The following TIAM2 variants were observed in gnomAD, a reference collection of about 807,000 sequenced individuals.
TIAM2 encodes the protein rho guanine nucleotide exchange factor TIAM2.
TIAM2 carries 80 observed loss-of-function variants against 152.9 expected under a neutral mutation model. That is an observed-to-expected ratio of 0.52 (90% CI 0.44 to 0.63). TIAM2 has a LOEUF of 0.63. Among genes scored for constraint, TIAM2 ranks in the 30% least tolerant of loss-of-function variants. The probability of loss-of-function intolerance (pLI) is 0.00; values close to 1 mark genes in which losing one functional copy is unlikely to be tolerated. For missense variants in TIAM2, 1,965 were observed against 2,120.1 expected (o/e 0.93, Z 1.44); for synonymous variants, 804 against 838.0 (o/e 0.96, Z 0.70).
At chr6:155,104,040 A>ACCCCCCCC (rs774902405) in intron 2 of TIAM2, among the ~76,000 whole-genome samples, 2 of 57,720 alleles carry the variant, frequency 3.5e-5, no homozygotes, top group African/African-American at 7.7e-5. Context: ...ACACACACAC[A>ACCCCCCCC]CCCCCCCCCC....
chr6:155,016,678 T>C (rs1778593851), intron 1 of TIAM2, among the ~76,000 whole-genome samples: 1 of 149,602 alleles, frequency 6.7e-6, no homozygotes, highest in South Asian at 2.1e-4. Flanking sequence ...GCGGGTGGAT[T>C]GCTTGAGGTC....
In TIAM2 at chr6:155,062,379, G is replaced by A. The variant is rs115955527; in HGVS notation, c.-208-27910G>A. Among the ~76,000 whole-genome samples, 619 of 152,074 alleles carry A rather than the reference G, an allele frequency of 4.1e-3. 2 individuals carry two copies. Among genetic ancestry groups the A allele is most frequent in the African/African-American group, 0.014 (579 of 41,496 alleles). ...TAGGAGTAGAATTGTTAGGTTGTAT[G>A]GTAGGAGTATGTTTTAGCTTTATAA... On this transcript the variant is annotated intron_variant, in intron 1 of 26. Transcript: ENST00000682666.
At chr6:155,151,040 T>G (rs1351262555) in intron 7 of TIAM2, among the ~76,000 whole-genome samples, 1 of 152,192 alleles carries the variant, frequency 6.6e-6, no homozygotes. Flanking sequence ...CTTACATGAA[T>G]AGGCACAGGA....
At chr6:155,200,708 TC>T (rs1781455267) in intron 14 of TIAM2, among the ~76,000 whole-genome samples, 1 of 152,036 alleles carries the variant, frequency 6.6e-6, no homozygotes, top group Non-Finnish European at 1.5e-5. Flanking sequence ...ATCGAGACCA[TC>T]CTGGCCAATG....
intron 2 of TIAM2, among the ~76,000 whole-genome samples, chr6:155,121,746 C>T (rs1779156086): frequency 6.6e-6 from 1 of 152,150 alleles, no homozygotes; most frequent in Non-Finnish European, 1.5e-5. Flanking sequence ...CGACGTGAAG[C>T]CTGTTGGTAT....
intron 1 of TIAM2, among the ~76,000 whole-genome samples, chr6:155,059,728 A>G (rs1057078169): frequency 7.2e-5 from 11 of 152,224 alleles, no homozygotes; most frequent in African/African-American, 2.7e-4. Context: ...CATGATATTA[A>G]CACGACTTAC....
rs947959281 is a variant in TIAM2 at position 155,187,318 on chromosome 6, A to G, written c.3064+3818A>G. 1.3e-5 allele frequency among the ~76,000 whole-genome samples: 2 copies of G among 152,160 alleles called. 1 individual carries two copies. Among genetic ancestry groups the G allele is most frequent in the Non-Finnish European group, 2.9e-5 (2 of 68,022 alleles). On this transcript the variant is annotated intron_variant, in intron 14 of 26. Transcript: ENST00000682666. ...TTTTACTGAAAGAAGTGTTAGTCAC[A>G]GTGGCAGGTCCCAGGAAGCTAGGGG...
chr6:155,130,940 A>G (rs1417265549), intron 4 of TIAM2, among the ~76,000 whole-genome samples: 1 of 146,224 alleles, frequency 6.8e-6, no homozygotes, highest in Non-Finnish European at 1.5e-5. Context: ...TCAGTTAAAT[A>G]TCATCCACTG....
In TIAM2 at chr6:155,130,017, G is replaced by T; in HGVS notation, c.794G>T (p.Gly265Val). The change falls in exon 4 of 27, where the codon GGC becomes GTC. Residue 265 changes from glycine (G) to valine (V), a missense_variant. Coordinates refer to ENST00000682666, the MANE Select transcript of TIAM2 (RefSeq NM_012454.4). Reference sequence around the variant, plus strand: ...GCTGGAGAGCTGAGCGAGGCTGAGGGCTCCTTCCTGGCCCCCGGCATGCCT... The same window carrying T: ...GCTGGAGAGCTGAGCGAGGCTGAGGTCTCCTTCCTGGCCCCCGGCATGCCT... ...GNAGELSEAEGSFLAPGMPDP... is the reference protein window; with the variant it reads ...GNAGELSEAEVSFLAPGMPDP... 6.2e-7 allele frequency: 1 copy of T among 1,614,098 alleles called. No homozygotes were observed. The highest frequency in any genetic ancestry group is 1.6e-4 in the Middle Eastern group (1 of 6,062).
At chr6:155,142,951 G>C (rs1779744084) in intron 5 of TIAM2, among the ~76,000 whole-genome samples, 1 of 152,202 alleles carries the variant, frequency 6.6e-6, no homozygotes. Flanking sequence ...TTTAAAGGAA[G>C]TAATGAAATT....
chr6:155,111,909 G>A (rs778165850), intron 2 of TIAM2, among the ~76,000 whole-genome samples: 5 of 152,030 alleles, frequency 3.3e-5, no homozygotes, highest in Non-Finnish European at 5.9e-5. Flanking sequence ...CAGTTTCACT[G>A]ACCTTATCCT....
rs1005949833 is a variant in TIAM2, at chr6:155,164,411, T to C, written c.2029-4T>C. Reference sequence around the variant, plus strand: ...ATTTAAATCACCTCTGTTTTTGCTTTAAGATCCAGCAATGGGAGCAGAATC... The same window carrying C: ...ATTTAAATCACCTCTGTTTTTGCTTCAAGATCCAGCAATGGGAGCAGAATC... On this transcript the variant is annotated splice_polypyrimidine_tract_variant and splice_region_variant and intron_variant, in intron 7 of 26. Transcript: ENST00000682666. The C allele has an allele frequency of 1.3e-6, 2 of 1,570,992 alleles. No homozygotes were observed. The highest frequency in any genetic ancestry group is 1.7e-6 in the Non-Finnish European group (2 of 1,150,770).
At chr6:155,104,426 A>G (rs1242873429) in intron 2 of TIAM2, among the ~76,000 whole-genome samples, 1 of 152,048 alleles carries the variant, frequency 6.6e-6, no homozygotes, top group African/African-American at 2.4e-5. Flanking sequence ...TATTACACTG[A>G]TGGTCTTCAA....
intron 2 of TIAM2, among the ~76,000 whole-genome samples, chr6:155,120,283 C>G (rs1165594645): frequency 1.3e-5 from 2 of 152,216 alleles, no homozygotes; most frequent in African/African-American, 4.8e-5. Flanking sequence ...CCGCTGAATT[C>G]AAAGACGACC....
At chr6:155,028,023 T>C (rs184518535) in intron 1 of TIAM2, among the ~76,000 whole-genome samples, 14 of 127,480 alleles carry the variant, frequency 1.1e-4, no homozygotes, top group African/African-American at 3.8e-4. Flanking sequence ...TACTGTGTTA[T>C]ATACTATATA....
At position 155,248,161 on chromosome 6, in the gene TIAM2, G is replaced by C. The variant is rs370206661; in HGVS notation, c.3814G>C (p.Glu1272Gln). The change falls in exon 20 of 27, where the codon GAG becomes CAG. Residue 1272 changes from glutamate to glutamine, a missense_variant. By Grantham distance (29) the Glu-to-Gln change is conservative. Coordinates refer to ENST00000682666, the MANE Select transcript of TIAM2 (RefSeq NM_012454.4). ...GTCCCTGACGGACCAGGAGAGCGAG[G>C]AGCACTACCACCTGACGGGTGAGGC... ...LVSLTDQESEEHYHLTEALKA... is the reference protein window; with the variant it reads ...LVSLTDQESEQHYHLTEALKA... 6.2e-7 allele frequency: 1 copy of C among 1,613,868 alleles called. No individual in the cohort carries two copies. Among genetic ancestry groups the C allele is most frequent in the South Asian group, 1.1e-5 (1 of 91,080 alleles).
At chr6:155,157,149 G>A (rs1215520745) in intron 7 of TIAM2, among the ~76,000 whole-genome samples, 2 of 152,198 alleles carry the variant, frequency 1.3e-5, no homozygotes, top group Non-Finnish European at 2.9e-5. Context: ...AAGCACCTCT[G>A]TCTCGTCTGT....
intron 1 of TIAM2, among the ~76,000 whole-genome samples, chr6:155,082,987 C>A (rs191143282): frequency 6.6e-4 from 101 of 152,264 alleles, no homozygotes; most frequent in Non-Finnish European, 1.2e-3. Context: ...TCTTCTCTCG[C>A]CTCATCTCTC....
intron 14 of TIAM2, among the ~76,000 whole-genome samples, chr6:155,203,927 C>G (rs112370910): frequency 6.6e-6 from 1 of 152,054 alleles, no homozygotes; most frequent in African/African-American, 2.4e-5. Flanking sequence ...GTCCTGGCCA[C>G]GGGGAGGGGC....
Sources: allele counts gnomAD v4.1 joint callset (sites outside exome capture counted in the v4.1 genomes callset), GRCh38; gene constraint gnomAD v4.1.1; transcripts MANE v1.5; gene names NCBI Gene and HGNC (gene_info 2026-07-23, HGNC 2026-07-21).